CUX1: variants seen among roughly 807,000 people sequenced by gnomAD.
CUX1 encodes the protein cut like homeobox 1, also known as protein CASP.
In CUX1, 31 loss-of-function variants were observed where a neutral mutation model predicts 158.8. That is an observed-to-expected ratio of 0.20 (90% CI 0.15 to 0.26). CUX1 has a LOEUF of 0.26. Ranked by LOEUF, CUX1 falls within the 10% of genes least tolerant of loss-of-function variation. The pLI, the probability that CUX1 is intolerant of heterozygous loss-of-function variation, is 1.00. For missense variants in CUX1, 1,589 were observed against 2,014.6 expected (o/e 0.79, Z 4.04); for synonymous variants, 879 against 862.1 (o/e 1.02, Z -0.34).
chr7:101,987,666 C>T (rs1814506064), intron 2 of CUX1, among the ~76,000 whole-genome samples: 1 of 152,204 alleles, frequency 6.6e-6, no homozygotes. Flanking sequence ...CATTGCCTTT[C>T]CCGGCCGCTG....
At chr7:102,006,301 A>G (rs1432260739) in intron 2 of CUX1, among the ~76,000 whole-genome samples, 2 of 152,166 alleles carry the variant, frequency 1.3e-5, no homozygotes, top group African/African-American at 4.8e-5. Context: ...AAGCCTCGTC[A>G]GGCTCTCTGC....
Position 102,081,860 on chromosome 7 carries a change from G to A in CUX1, c.268+11443G>A, listed in dbSNP as rs948497102. Among the ~76,000 whole-genome samples, 3 of 146,320 alleles carry A rather than the reference G, an allele frequency of 2.1e-5. 1 individual carries two copies. Among genetic ancestry groups the A allele is most frequent in the Non-Finnish European group, 4.6e-5 (3 of 64,722 alleles). On this transcript the variant is annotated intron_variant, in intron 4 of 23. Coordinates refer to ENST00000292535, the MANE Select transcript of CUX1 (RefSeq NM_181552.4). ...AAGCTGATCTCGATCTCCTGACCTC[G>A]GGTGATGCGTCCGCCTCCGCCTCCC...
chr7:102,118,266 G>A (rs201506), intron 8 of CUX1, among the ~76,000 whole-genome samples: 15,821 of 152,194 alleles, frequency 0.1, 1,077 homozygotes, highest in Admixed American at 0.17. Flanking sequence ...GGCCAGGCGC[G>A]GTGGCTCACA....
chr7:101,997,589 C>T (rs1010395250), intron 2 of CUX1, among the ~76,000 whole-genome samples: 1 of 152,116 alleles, frequency 6.6e-6, no homozygotes, highest in African/African-American at 2.4e-5. Flanking sequence ...AATGATCCTC[C>T]CGCCTCAGCC....
intron 2 of CUX1, among the ~76,000 whole-genome samples, chr7:101,973,888 C>G (rs1812325493): frequency 6.6e-6 from 1 of 151,574 alleles, no homozygotes; most frequent in African/African-American, 2.4e-5. Context: ...CCTACCTCAG[C>G]CTCCCGAGTA....
rs781862318 is a variant in CUX1, at chr7:102,250,820, ATTTTC to A, written c.*1781_*1785del. The A allele has an allele frequency of 1.3e-4, 130 of 985,220 alleles. No homozygotes were observed. The highest frequency in any genetic ancestry group is 1.0e-3 in the East Asian group (9 of 8,802). The allele number at this position is 985,220 out of a possible 1,614,324, so 61.0% of individuals were successfully genotyped here. On this transcript the variant is annotated 3_prime_UTR_variant, in exon 24 of 24. Coordinates refer to ENST00000292535, the MANE Select transcript of CUX1 (RefSeq NM_181552.4). ...TGTGTGCAATTTTATACGTCTGTGT[ATTTTC>A]TTAAGTACCTGTGCACACGTAGAGT...
intron 2 of CUX1, among the ~76,000 whole-genome samples, chr7:101,956,138 C>CAAAA (rs11462111): frequency 6.9e-4 from 45 of 64,786 alleles, no homozygotes; most frequent in East Asian, 9.6e-4. Context: ...GCCCACGTCT[C>CAAAA]AAAAAAAAAA....
chr7:101,822,847 G>A (rs1423569202), intron 1 of CUX1, among the ~76,000 whole-genome samples: 1 of 151,638 alleles, frequency 6.6e-6, no homozygotes, highest in African/African-American at 2.4e-5. Flanking sequence ...GTTGCAGTGA[G>A]CTGAGATCGT....
At chr7:102,144,487 A>G (rs1045050720) in intron 8 of CUX1, among the ~76,000 whole-genome samples, 11 of 152,082 alleles carry the variant, frequency 7.2e-5, no homozygotes, top group Middle Eastern at 3.2e-3. Flanking sequence ...CCTCACAATA[A>G]GGACTTTCTT....
intron 5 of CUX1, 129 bp downstream of exon 5, chr7:102,097,630 G>A: frequency 1.0e-6 from 1 of 984,634 alleles, no homozygotes; most frequent in African/African-American, 1.7e-5. Flanking sequence ...AGTCAGGGTG[G>A]GGCAGGAATC....
In CUX1 at chr7:102,251,005, TTTA is replaced by T. The variant is rs1801456616; in HGVS notation, c.*1968_*1970del. ...TTTTGCTTATTTATAGGTGCTGTATTTTATTATCTGATTGTTAGGAAGGGATGA... is the reference window on the plus strand; with the variant it reads ...TTTTGCTTATTTATAGGTGCTGTATTTTATCTGATTGTTAGGAAGGGATGA... On this transcript the variant is annotated 3_prime_UTR_variant, in exon 24 of 24. Coordinates refer to ENST00000292535, the MANE Select transcript of CUX1 (RefSeq NM_181552.4). 8 of 969,434 alleles carry T rather than the reference TTTA, an allele frequency of 8.3e-6. No homozygotes were observed. The Admixed American group carries it at 4.3e-4, about 52-fold the overall frequency. 60.1% of individuals were successfully genotyped at this position (969,434 alleles called of 1,614,324 possible). A position where few individuals can be genotyped will look rare whatever the true frequency, so the allele number is the denominator to read the frequency against.
At chr7:102,219,007 T>G (rs1797525425) in intron 20 of CUX1, among the ~76,000 whole-genome samples, 1 of 145,964 alleles carries the variant, frequency 6.9e-6, no homozygotes, top group South Asian at 2.2e-4. Context: ...GAGCCAAGAT[T>G]GCACCATTAC....
intron 16 of CUX1, chr7:102,274,351 G>C: frequency 1.9e-6 from 3 of 1,564,302 alleles, no homozygotes; most frequent in Non-Finnish European, 2.6e-6. Flanking sequence ...GAGGAGGAGG[G>C]AAGAGGAGAC....
intron 2 of CUX1, among the ~76,000 whole-genome samples, chr7:101,987,591 T>A (rs948870183): frequency 1.1e-4 from 17 of 152,234 alleles, no homozygotes; most frequent in Admixed American, 1.1e-3. Flanking sequence ...GGGTCCCTTA[T>A]AAGCCTGCTG....
rs782799166 is a variant in CUX1, at chr7:102,249,051, G to A, written c.*9G>A. 7 of 1,281,270 alleles carry A rather than the reference G, an allele frequency of 5.5e-6. No homozygotes were observed. The highest frequency in any genetic ancestry group is 4.6e-5 in the South Asian group (2 of 43,880). The allele number at this position is 1,281,270 out of a possible 1,614,324, so 79.4% of individuals were successfully genotyped here. ...TCGAATGGGAGTTCTGAGGGGCCGCGGCCCTGGGGCGGGCAGCCAGGCTGG... is the reference window on the plus strand; with the variant it reads ...TCGAATGGGAGTTCTGAGGGGCCGCAGCCCTGGGGCGGGCAGCCAGGCTGG... On this transcript the variant is annotated 3_prime_UTR_variant, in exon 24 of 24. Coordinates refer to ENST00000292535, the MANE Select transcript of CUX1 (RefSeq NM_181552.4).
chr7:102,248,812 GA>G lies in CUX1; in HGVS notation c.4289del (p.Glu1430GlyfsTer55). 1 of 1,122,808 alleles carries G rather than the reference GA, an allele frequency of 8.9e-7. No homozygotes were observed. The highest frequency in any genetic ancestry group is 3.9e-5 in the South Asian group (1 of 25,606). 69.6% of individuals were successfully genotyped at this position (1,122,808 alleles called of 1,614,324 possible). ...TACCTCAGCCGCCGCCGCGCCGGGG[GA>G]GGGCCCCGCGGCCCCGAGCTCCGCG... ...AATSAAAAPGEGPAAPSSAPP... is the reference protein window; with the variant it reads ...AATSAAAAPGXGPAAPSSAPP... On this transcript the variant is annotated frameshift_variant, in exon 24 of 24. Coordinates refer to ENST00000292535, the MANE Select transcript of CUX1 (RefSeq NM_181552.4). LOFTEE classifies it low-confidence loss of function (END_TRUNC). The surrounding 1 kb of genome is among the most constrained non-coding windows in gnomAD (Gnocchi z 5.8).
At chr7:102,170,637 C>A in intron 10 of CUX1, 87 bp downstream of exon 10, 3 of 924,492 alleles carry the variant, frequency 3.2e-6, no homozygotes, top group Non-Finnish European at 5.0e-6. Flanking sequence ...TTGTTTTCAG[C>A]ATCTCTTTTT....
intron 8 of CUX1, among the ~76,000 whole-genome samples, chr7:102,132,680 C>CTTTTTTTTTTTTTTT (rs1174779466): frequency 8.7e-6 from 1 of 115,186 alleles, no homozygotes; most frequent in Non-Finnish European, 1.7e-5. Context: ...CTTTGCTTTT[C>CTTTTTTTTTTTTTTT]TTTTTTTTTT....
At position 102,162,484 on chromosome 7, in the gene CUX1, G is replaced by A. The variant is rs545107445; in HGVS notation, c.723+3876G>A. 3.8e-3 allele frequency among the ~76,000 whole-genome samples: 572 copies of A among 150,422 alleles called. 2 individuals carry two copies. Among genetic ancestry groups the A allele is most frequent in the African/African-American group, 0.014 (555 of 40,946 alleles). ...CAGCCTCCCGAGTAGCTGGGACTAC[G>A]GGCATATGGCTCCCCATCCTGGGTT... On this transcript the variant is annotated intron_variant, in intron 9 of 23. Transcript: ENST00000292535.
Sources: allele counts gnomAD v4.1 joint callset (sites outside exome capture counted in the v4.1 genomes callset), GRCh38; gene constraint gnomAD v4.1.1; non-coding constraint Gnocchi (gnomAD v3.1); transcripts MANE v1.5; gene names NCBI Gene and HGNC (gene_info 2026-07-23, HGNC 2026-07-21).